NPSR1: variants seen among roughly 807,000 people sequenced by gnomAD.
NPSR1 encodes the protein neuropeptide S receptor.
Under a neutral mutation model 46.9 loss-of-function variants are expected in NPSR1, and 48 were observed. The observed-to-expected ratio is 1.02, with a 90% CI of 0.81 to 1.30. The LOEUF is 1.30. Among genes scored for constraint, NPSR1 ranks in the 50% most tolerant of loss-of-function variants. The probability of loss-of-function intolerance (pLI) is 0.00; values close to 1 mark genes in which losing one functional copy is unlikely to be tolerated. For missense variants in NPSR1, 450 were observed against 449.5 expected (o/e 1.00, Z -0.01); for synonymous variants, 176 against 168.1 (o/e 1.05, Z -0.36).
At chr7:34,760,058 A>C (rs1430393723) in intron 2 of NPSR1, among the ~76,000 whole-genome samples, 1 of 152,220 alleles carries the variant, frequency 6.6e-6, no homozygotes, top group Non-Finnish European at 1.5e-5. Flanking sequence ...AATATATTAG[A>C]CTGATCAAGT....
intron 2 of NPSR1, among the ~76,000 whole-genome samples, chr7:34,753,104 T>TA (rs1429637614): frequency 6.6e-6 from 1 of 152,096 alleles, no homozygotes; most frequent in Non-Finnish European, 1.5e-5. Context: ...GATGAGTGTT[T>TA]AAAGAAGCAC....
intron 3 of NPSR1, among the ~76,000 whole-genome samples, chr7:34,801,470 C>T (rs1424416414): frequency 2.1e-5 from 2 of 95,594 alleles, no homozygotes; most frequent in South Asian, 8.5e-4. Context: ...ACAAAAACCA[C>T]ATGATTATCT....
In NPSR1 at chr7:34,873,704, C is replaced by T. The variant is rs1030314527; in HGVS notation, c.1026-4372C>T. 2.6e-5 allele frequency among the ~76,000 whole-genome samples: 4 copies of T among 151,696 alleles called. 1 individual carries two copies. The highest frequency in any genetic ancestry group is 6.5e-5 in the Admixed American group (1 of 15,268). ...ATGAGGGAGCCACCTCCTACCAGGC[C>T]ACCACCTCCAACATTGGGGGTTACA... On this transcript the variant is annotated intron_variant, in intron 8 of 8. Coordinates refer to the NPSR1 transcript ENST00000359791.
At chr7:34,715,100 A>G (rs1783496285) in intron 2 of NPSR1, among the ~76,000 whole-genome samples, 1 of 152,242 alleles carries the variant, frequency 6.6e-6, no homozygotes, top group African/African-American at 2.4e-5. Context: ...CAGAGCAGGA[A>G]TTCTGCACTG....
rs148930766 is a variant in NPSR1, at chr7:34,858,865, G to C, written c.1025+10202G>C. On this transcript the variant is annotated intron_variant, in intron 8 of 8. Transcript: ENST00000359791. ...ATGGGAGCTACAGGATGAGATCTGG[G>C]GGGGGGACACAGATCCAAACCATAT... 3.1e-3 allele frequency among the ~76,000 whole-genome samples: 468 copies of C among 151,824 alleles called. 16 individuals are homozygous for C. Among genetic ancestry groups the C allele is most frequent in the African/African-American group, 0.011 (433 of 41,132 alleles).
intron 7 of NPSR1, 143 bp from the exon 8 acceptor site, chr7:34,848,340 G>A: frequency 1.4e-6 from 1 of 702,194 alleles, no homozygotes; most frequent in Non-Finnish European, 2.5e-6. Context: ...TGACATCAAT[G>A]CTCCAAACAA....
At chr7:34,870,155 C>T (rs1412841744) in intron 8 of NPSR1, among the ~76,000 whole-genome samples, 1 of 151,908 alleles carries the variant, frequency 6.6e-6, no homozygotes, top group Non-Finnish European at 1.5e-5. Flanking sequence ...GAGCAGACTC[C>T]TCCTCCCTCT....
intron 2 of NPSR1, among the ~76,000 whole-genome samples, chr7:34,762,688 A>G (rs1304771430): frequency 4.6e-5 from 7 of 152,198 alleles, no homozygotes; most frequent in East Asian, 1.9e-4. Flanking sequence ...AGCATTGCAT[A>G]CTCTGAGATA....
chr7:34,803,844 G>A (rs1788556597), intron 3 of NPSR1, among the ~76,000 whole-genome samples: 1 of 150,546 alleles, frequency 6.6e-6, no homozygotes, highest in South Asian at 2.1e-4. Flanking sequence ...GACATTAAAA[G>A]AATGATAAAT....
At chr7:34,781,078 T>C (rs1787207861) in intron 3 of NPSR1, among the ~76,000 whole-genome samples, 1 of 152,100 alleles carries the variant, frequency 6.6e-6, no homozygotes, top group African/African-American at 2.4e-5. Context: ...ACTATGCTCA[T>C]CCTAAGGAAA....
chr7:34,690,712 C>A (rs1326742135), intron 2 of NPSR1, among the ~76,000 whole-genome samples: 1 of 152,012 alleles, frequency 6.6e-6, no homozygotes, highest in Non-Finnish European at 1.5e-5. Flanking sequence ...ATGCCTAGTG[C>A]CTTTGATAAA....
At chr7:34,759,186 A>G (rs1226929798) in intron 2 of NPSR1, among the ~76,000 whole-genome samples, 1 of 152,228 alleles carries the variant, frequency 6.6e-6, no homozygotes, top group Admixed American at 6.5e-5. Flanking sequence ...GTATTTTAAG[A>G]GTACATAGCC....
intron 4 of NPSR1, among the ~76,000 whole-genome samples, chr7:34,820,598 T>C (rs1337092865): frequency 3.9e-5 from 6 of 152,144 alleles, no homozygotes; most frequent in Admixed American, 6.5e-5. Flanking sequence ...CAGGAGGTCA[T>C]GAGAATATGT....
At position 34,751,588 on chromosome 7, in the gene NPSR1, C is replaced by G. The variant is rs758142000; in HGVS notation, c.281-26874C>G. ...TTTGGTCTTGTGCTCCTGTTCTTCC[C>G]GGAGAACTCGGCGCTGACAGAGCTC... On this transcript the variant is annotated intron_variant, in intron 2 of 8. Coordinates refer to ENST00000360581, the MANE Select transcript of NPSR1 (RefSeq NM_207172.2). 1.9e-6 allele frequency: 3 copies of G among 1,601,750 alleles called. No homozygotes were observed. The East Asian group carries it at 6.7e-5, about 36-fold the overall frequency.
intron 2 of NPSR1, among the ~76,000 whole-genome samples, chr7:34,741,032 C>T (rs1416782054): frequency 6.6e-6 from 1 of 152,172 alleles, no homozygotes; most frequent in East Asian, 1.9e-4. Flanking sequence ...CTCCATAATT[C>T]CTGAAGAGAA....
chr7:34,869,408 G>A (rs762542181), intron 8 of NPSR1, among the ~76,000 whole-genome samples: 8 of 151,628 alleles, frequency 5.3e-5, no homozygotes, highest in Non-Finnish European at 5.9e-5. Context: ...CCTTTTCTCC[G>A]TTCCCACACA....
chr7:34,820,136 CA>C (rs1338203799), intron 4 of NPSR1, among the ~76,000 whole-genome samples: 2 of 151,962 alleles, frequency 1.3e-5, no homozygotes, highest in East Asian at 3.9e-4. Context: ...CTAAACAAAA[CA>C]ATACTAAAGG....
At chr7:34,720,290 A>G (rs1783787868) in intron 2 of NPSR1, among the ~76,000 whole-genome samples, 2 of 150,300 alleles carry the variant, frequency 1.3e-5, no homozygotes, top group Non-Finnish European at 1.5e-5. Flanking sequence ...AAAAAAAAAA[A>G]GGGAGCCAGA....
chr7:34,845,953 G>T (rs745426985), intron 7 of NPSR1, among the ~76,000 whole-genome samples: 5 of 152,128 alleles, frequency 3.3e-5, no homozygotes, highest in Non-Finnish European at 7.3e-5. Context: ...CCCATTAGCT[G>T]CATGTCAAAG....
Sources: gnomAD v4.1 joint callset for allele counts (sites outside exome capture counted in the v4.1 genomes callset) on GRCh38, gnomAD v4.1.1 for gene constraint, MANE v1.5 for transcripts, NCBI Gene and HGNC (gene_info 2026-07-23, HGNC 2026-07-21) for gene names.